The following CRTAC1 variants were observed in gnomAD, a reference collection of about 807,000 sequenced individuals.
The protein encoded by CRTAC1 is acidic secreted protein in cartilage.
A neutral mutation model predicts 67.8 loss-of-function variants in CRTAC1; 37 were observed. The observed-to-expected ratio is 0.55, with a 90% confidence interval of 0.42 to 0.72. The LOEUF is 0.72. Ranked by LOEUF, CRTAC1 falls within the 30% of genes least tolerant of loss-of-function variation. CRTAC1 has a pLI of 0.00. For synonymous variants in CRTAC1, 348 were observed against 371.0 expected, an observed-to-expected ratio of 0.94 and a Z score of 0.71; for missense variants, 780 against 931.6, an observed-to-expected ratio of 0.84 and a Z score of 2.12.
At chr10:97,933,236 T>C (rs1198436357) in intron 3 of CRTAC1, among the ~76,000 whole-genome samples, 1 of 152,210 alleles carries the variant, frequency 6.6e-6, no homozygotes, top group African/African-American at 2.4e-5. Flanking sequence ...AAAAATTAAC[T>C]AAAACCGACA....
At chr10:97,916,545 C>T (rs2050761276) in intron 5 of CRTAC1, among the ~76,000 whole-genome samples, 1 of 152,158 alleles carries the variant, frequency 6.6e-6, no homozygotes, top group Non-Finnish European at 1.5e-5. Flanking sequence ...GATGCCACCA[C>T]CCAGGTGTCT....
chr10:97,898,041 C>T (rs1467468669), intron 8 of CRTAC1, among the ~76,000 whole-genome samples: 3 of 152,166 alleles, frequency 2.0e-5, no homozygotes, highest in Non-Finnish European at 4.4e-5. Flanking sequence ...AGTGTGATGC[C>T]CACAGTCCCT....
intron 8 of CRTAC1, 60 bp downstream of exon 8, chr10:97,901,443 G>T (rs1406510536): frequency 3.7e-6 from 6 of 1,608,368 alleles, no homozygotes; most frequent in South Asian, 1.1e-5. Flanking sequence ...CCTTCTCCCT[G>T]ACCGTTCCTC....
intron 14 of CRTAC1, among the ~76,000 whole-genome samples, chr10:97,873,943 C>G (rs954449557): frequency 6.6e-6 from 1 of 152,200 alleles, no homozygotes. Flanking sequence ...AAGTATGGTT[C>G]TTCTGTTACT....
chr10:97,875,768 T>C (rs2050140206), intron 14 of CRTAC1: 1 of 152,224 alleles, frequency 6.6e-6, no homozygotes, highest in Non-Finnish European at 1.5e-5. Context: ...GGAGCGGAGT[T>C]CCTGCTTCGG....
chr10:97,865,963 C>G (rs2050018562), intron 14 of CRTAC1: 2 of 493,746 alleles, frequency 4.1e-6, no homozygotes, highest in Admixed American at 3.6e-5. Context: ...CACACAGAGA[C>G]AGATCTTCCT....
At chr10:98,028,328 GA>G (rs1291687753) in intron 1 of CRTAC1, among the ~76,000 whole-genome samples, 4 of 152,338 alleles carry the variant, frequency 2.6e-5, no homozygotes, top group South Asian at 4.1e-4. Context: ...CAAGAAGTGA[GA>G]AAGTCAGTGG....
intron 9 of CRTAC1, among the ~76,000 whole-genome samples, chr10:97,896,188 T>C (rs960542711): frequency 2.0e-5 from 3 of 152,166 alleles, no homozygotes; most frequent in African/African-American, 7.2e-5. Context: ...GACAGACATT[T>C]CCTTCCTTCC....
At chr10:98,028,856 G>A (rs898034546) in intron 1 of CRTAC1, among the ~76,000 whole-genome samples, 2 of 152,226 alleles carry the variant, frequency 1.3e-5, no homozygotes, top group East Asian at 3.9e-4. Flanking sequence ...CTACATTCAG[G>A]GATGGGATAA....
intron 2 of CRTAC1, among the ~76,000 whole-genome samples, chr10:97,967,050 C>A (rs557476503): frequency 1.3e-5 from 2 of 148,190 alleles, no homozygotes; most frequent in East Asian, 2.1e-4. Context: ...GCGGCACCTA[C>A]GCAGGAGTAG....
chr10:97,884,403 C>T, intron 11 of CRTAC1, 52 bp from the exon 12 acceptor site: 3 of 1,488,750 alleles, frequency 2.0e-6, no homozygotes, highest in Non-Finnish European at 2.7e-6. Flanking sequence ...AGGAGGCTCT[C>T]AGCGGAAGCA....
At chr10:97,949,651 G>A (rs1273159753) in intron 2 of CRTAC1, among the ~76,000 whole-genome samples, 1 of 152,196 alleles carries the variant, frequency 6.6e-6, no homozygotes, top group African/African-American at 2.4e-5. Context: ...CAGACATAAA[G>A]GCTGAGAGGC....
intron 3 of CRTAC1, among the ~76,000 whole-genome samples, chr10:97,935,199 G>A (rs2051067734): frequency 6.6e-6 from 1 of 152,170 alleles, no homozygotes; most frequent in Non-Finnish European, 1.5e-5. Context: ...GGCAAGTCAG[G>A]TAACCTCTTT....
At chr10:97,870,028 C>G (rs777529472) in intron 14 of CRTAC1, 6 of 152,146 alleles carry the variant, frequency 3.9e-5, no homozygotes, top group Non-Finnish European at 8.8e-5. Context: ...CTCAGATTCC[C>G]CAGTTGTTAA....
At chr10:97,879,779 C>T (rs2136536352) in intron 14 of CRTAC1, 1 of 1,549,314 alleles carries the variant, frequency 6.5e-7, no homozygotes, top group South Asian at 1.2e-5. Flanking sequence ...CTGAAGAATA[C>T]CCACCTAAAA....
At chr10:98,014,044 G>T (rs1226941068) in intron 1 of CRTAC1, among the ~76,000 whole-genome samples, 1 of 152,252 alleles carries the variant, frequency 6.6e-6, no homozygotes, top group Admixed American at 6.5e-5. Context: ...TCAGGGATAA[G>T]CAGTGGGCTG....
Position 97,890,078 on chromosome 10 carries a change from G to C in CRTAC1, c.1486+5167C>G, listed in dbSNP as rs182577357. 4.5e-3 allele frequency among the ~76,000 whole-genome samples: 591 copies of C among 131,810 alleles called. 4 individuals carry two copies. Among genetic ancestry groups the C allele is most frequent in the Non-Finnish European group, 7.2e-3 (441 of 61,278 alleles). The allele number at this position is 131,810 out of a possible 152,430, so 86.5% of individuals were successfully genotyped here. A position where few individuals can be genotyped will look rare whatever the true frequency, so the allele number is the denominator to read the frequency against. ...GATATATGCACAGACTTGGTATGCT[G>C]TCCAGGATGTGTACACACACACACA... On this transcript the variant is annotated intron_variant, in intron 11 of 14. Transcript: ENST00000370597.
intron 2 of CRTAC1, among the ~76,000 whole-genome samples, chr10:97,962,936 T>C (rs944482208): frequency 6.6e-6 from 1 of 151,758 alleles, no homozygotes; most frequent in African/African-American, 2.4e-5. Flanking sequence ...TGAACATCCA[T>C]AGAGATAAAA....
chr10:97,921,278 C>T (rs772532346), intron 4 of CRTAC1, among the ~76,000 whole-genome samples: 1 of 152,136 alleles, frequency 6.6e-6, no homozygotes, highest in Non-Finnish European at 1.5e-5. Flanking sequence ...GGCCCTGCCC[C>T]AGGTAGGGGC....
Sources: allele counts gnomAD v4.1 joint callset (sites outside exome capture counted in the v4.1 genomes callset), GRCh38; gene constraint gnomAD v4.1.1; transcripts MANE v1.5; gene names NCBI Gene and HGNC (gene_info 2026-07-23, HGNC 2026-07-21).